The following TSACC variants were observed in gnomAD, a reference collection of about 807,000 sequenced individuals.
TSACC encodes TSSK6-activating co-chaperone protein.
Under a neutral mutation model 6.9 loss-of-function variants are expected in TSACC, and 3 were observed. The observed-to-expected ratio is 0.43, with a 90% CI of 0.20 to 1.12. The LOEUF (loss-of-function observed/expected upper bound fraction) is 1.12, where lower values mean the gene tolerates loss of function less well. Among genes scored for constraint, TSACC ranks in the 50% most tolerant of loss-of-function variants. The probability of loss-of-function intolerance (pLI) is 0.28; values close to 1 mark genes in which losing one functional copy is unlikely to be tolerated. For missense variants in TSACC, 137 were observed against 143.9 expected, an observed-to-expected ratio of 0.95 and a Z score of 0.24; for synonymous variants, 54 against 55.1, an observed-to-expected ratio of 0.98 and a Z score of 0.09.
At chr1:156,338,204 G>A, upstream of TSACC, 4 of 1,583,678 alleles carry the variant, frequency 2.5e-6, no homozygotes, top group Admixed American at 1.9e-5. Context: ...ATGCAGAGCC[G>A]GGTACCCAGA....
upstream of TSACC, chr1:156,338,317 AGTC>A (rs1431424988): frequency 9.6e-6 from 8 of 835,000 alleles, no homozygotes; most frequent in Non-Finnish European, 7.8e-6. Context: ...CTCTCAAGGT[AGTC>A]GCCAATCACC....
At chr1:156,346,602 C>G (rs1438604154) in intron 3 of TSACC, among the ~76,000 whole-genome samples, 166 bp from the exon 4 acceptor site, 1 of 152,082 alleles carries the variant, frequency 6.6e-6, no homozygotes, top group Admixed American at 6.5e-5. Context: ...ATAGGATAGC[C>G]AGGTATGCCT....
chr1:156,338,259 GA>G (rs1665549062), upstream of TSACC: 1 of 1,500,556 alleles, frequency 6.7e-7, no homozygotes, highest in Admixed American at 2.0e-5. Flanking sequence ...GAACCAGACA[GA>G]AGCCCAGAAA....
At chr1:156,338,474 C>G (rs971994807), upstream of TSACC, 1 of 524,414 alleles carries the variant, frequency 1.9e-6, no homozygotes, top group Non-Finnish European at 3.4e-6. Flanking sequence ...GTAGGGTGGC[C>G]GCTCCCGGCC....
intron 2 of TSACC, among the ~76,000 whole-genome samples, chr1:156,341,682 T>C (rs1342322470): frequency 6.6e-6 from 1 of 152,154 alleles, no homozygotes; most frequent in Non-Finnish European, 1.5e-5. Flanking sequence ...AGCAGTCTCT[T>C]TCTTTAATTA....
chr1:156,341,388 A>G (rs1472358803), intron 2 of TSACC, among the ~76,000 whole-genome samples: 2 of 152,120 alleles, frequency 1.3e-5, no homozygotes, highest in Non-Finnish European at 1.5e-5. Flanking sequence ...CAAGACTCTC[A>G]TAGCACTTAC....
chr1:156,338,648 A>G (rs1362557211), intron 1 of TSACC, 43 bp downstream of exon 1: 1 of 176,028 alleles, frequency 5.7e-6, no homozygotes, highest in African/African-American at 2.4e-5. Context: ...CTCCTATCGG[A>G]CCGTGAAGGC....
upstream of TSACC, chr1:156,338,237 T>C (rs1381444707): frequency 6.5e-7 from 1 of 1,548,590 alleles, no homozygotes. Context: ...GGCAGAACCT[T>C]CTGGAGAGAG....
chr1:156,339,829 G>A (rs774682797), intron 2 of TSACC, 38 bp downstream of exon 2: 1 of 1,611,504 alleles, frequency 6.2e-7, no homozygotes, highest in Non-Finnish European at 8.5e-7. Flanking sequence ...CCCTTAAAAA[G>A]CAAGACCTCC....
At chr1:156,346,148 C>T (rs574201866) in intron 3 of TSACC, among the ~76,000 whole-genome samples, 10 of 144,992 alleles carry the variant, frequency 6.9e-5, no homozygotes, top group South Asian at 4.3e-4. Context: ...GAGCTGAGAT[C>T]GTACCATTGT....
chr1:156,338,509 G>C, upstream of TSACC: 1 of 507,558 alleles, frequency 2.0e-6, no homozygotes, highest in Non-Finnish European at 3.6e-6. Context: ...CGTCGGCGCA[G>C]GCGCCAAGGC....
At position 156,338,577 on chromosome 1, in the gene TSACC, G is replaced by A; in HGVS notation, c.-153G>A. ...TGTGTCAACTCTAGGGTTGGGTGCT[G>A]GGGTTGCGGCTTTCGGTTAACACCG... On this transcript the variant is annotated 5_prime_UTR_variant, in exon 1 of 4. An upstream open reading frame in the 5' UTR gains an earlier in-frame stop. Coordinates refer to ENST00000368254, the MANE Select transcript of TSACC (RefSeq NM_001304817.2). 1 of 304,922 alleles carries A rather than the reference G, an allele frequency of 3.3e-6. No individual in the cohort carries two copies. 18.9% of individuals were successfully genotyped at this position (304,922 alleles called of 1,614,324 possible). A position where few individuals can be genotyped will look rare whatever the true frequency, so the allele number is the denominator to read the frequency against.
intron 3 of TSACC, 101 bp from the exon 4 acceptor site, chr1:156,346,667 A>G (rs1461925147): frequency 8.5e-7 from 1 of 1,175,590 alleles, no homozygotes; most frequent in South Asian, 1.4e-5. Context: ...GTGCCTGGAA[A>G]GATTGGAGAG....
chr1:156,342,998 A>T (rs1665979128), intron 2 of TSACC, among the ~76,000 whole-genome samples: 1 of 151,538 alleles, frequency 6.6e-6, no homozygotes, highest in Admixed American at 6.6e-5. Context: ...CATCTTCTAG[A>T]CTCCTGAGGA....
intron 2 of TSACC, among the ~76,000 whole-genome samples, chr1:156,342,399 A>C (rs1245089870): frequency 1.3e-5 from 2 of 152,230 alleles, no homozygotes; most frequent in Non-Finnish European, 2.9e-5. Context: ...CTGACAGAAC[A>C]GATTTCAGTT....
upstream of TSACC, chr1:156,338,049 G>A (rs1665526015): frequency 8.1e-6 from 10 of 1,230,642 alleles, no homozygotes; most frequent in Non-Finnish European, 1.2e-5. Context: ...ATGATTGGAA[G>A]GCTCAGTGGC....
chr1:156,342,542 A>C (rs527543960), intron 2 of TSACC, among the ~76,000 whole-genome samples: 9 of 152,214 alleles, frequency 5.9e-5, no homozygotes, highest in Non-Finnish European at 1.0e-4. Context: ...ATTTTCCTTC[A>C]TACAACCTAC....
chr1:156,338,194 A>T, upstream of TSACC: 1 of 1,586,778 alleles, frequency 6.3e-7, no homozygotes, highest in Non-Finnish European at 8.6e-7. Context: ...TGGCGACGCG[A>T]TGCAGAGCCG....
At chr1:156,342,714 G>C (rs1378803350) in intron 2 of TSACC, among the ~76,000 whole-genome samples, 1 of 152,224 alleles carries the variant, frequency 6.6e-6, no homozygotes, top group African/African-American at 2.4e-5. Flanking sequence ...ATGTGTGCTT[G>C]ATCACCTAAT....
Sources: allele counts gnomAD v4.1 joint callset (sites outside exome capture counted in the v4.1 genomes callset), GRCh38; gene constraint gnomAD v4.1.1; transcripts MANE v1.5; gene names NCBI Gene and HGNC (gene_info 2026-07-23, HGNC 2026-07-21).